The following RASL10B variants were observed in gnomAD, a reference collection of about 807,000 sequenced individuals.
The protein encoded by RASL10B is RAS like family 10 member B.
A neutral mutation model predicts 20.7 loss-of-function variants in RASL10B; 10 were observed. The ratio of observed to expected loss-of-function variants is 0.48; its 90% confidence interval spans 0.30 to 0.82. The LOEUF (loss-of-function observed/expected upper bound fraction) is 0.82, where lower values mean the gene tolerates loss of function less well. Among genes scored for constraint, RASL10B ranks in the 40% least tolerant of loss-of-function variants. The pLI, the probability that RASL10B is intolerant of heterozygous loss-of-function variation, is 0.07. For missense variants in RASL10B, 231 were observed against 295.4 expected (o/e 0.78, Z 1.60); for synonymous variants, 110 against 123.3 (o/e 0.89, Z 0.72).
chr17:35,739,589 C>T (rs782610333), intron 2 of RASL10B, among the ~76,000 whole-genome samples: 1 of 152,180 alleles, frequency 6.6e-6, no homozygotes, highest in Non-Finnish European at 1.5e-5. Flanking sequence ...GCCCAGGGGC[C>T]CTACTCTACA....
At chr17:35,733,113 G>GGTTT (rs1388424800) in intron 1 of RASL10B, among the ~76,000 whole-genome samples, 3 of 152,098 alleles carry the variant, frequency 2.0e-5, no homozygotes, top group Non-Finnish European at 4.4e-5. Flanking sequence ...TTTTTTGGGG[G>GGTTT]GTTTGTTTGT....
chr17:35,741,563 G>A lies in RASL10B; in HGVS notation c.*258G>A, dbSNP rs2085629657. On this transcript the variant is annotated 3_prime_UTR_variant, in exon 4 of 4. Coordinates refer to ENST00000603017, the MANE Select transcript of RASL10B (RefSeq NM_033315.4). ...TTTAGTGCAGTGCCCGGCCCGACCCGCGGGGGTGCCACAGCCTTTTGGGAT... is the reference window on the plus strand; with the variant it reads ...TTTAGTGCAGTGCCCGGCCCGACCCACGGGGGTGCCACAGCCTTTTGGGAT... The A allele has an allele frequency of 6.8e-6, 3 of 441,930 alleles. No homozygotes were observed. The highest frequency in any genetic ancestry group is 8.5e-5 in the South Asian group (1 of 11,814). The allele number at this position is 441,930 out of a possible 1,614,324, so 27.4% of individuals were successfully genotyped here. A position where few individuals can be genotyped will look rare whatever the true frequency, so the allele number is the denominator to read the frequency against.
rs1488103281 is a variant in RASL10B, at chr17:35,741,129, C to T, written c.436C>T (p.Leu146=). The change falls in exon 4 of 4, where the codon CTG becomes TTG. Residue 146 remains leucine (L), a synonymous_variant. Coordinates refer to ENST00000603017, the MANE Select transcript of RASL10B (RefSeq NM_033315.4). ...RVIPRWNVSH[L]VRKTWKCGYV... is the part of the protein sequence containing the mutation. ...GATCCCGCGCTGGAACGTGTCGCAC[C>T]TGGTACGCAAGACCTGGAAGTGCGG... is the stretch of plus-strand genomic sequence containing the variant. The T allele has an allele frequency of 1.2e-6, 2 of 1,613,508 alleles. No individual in the cohort carries two copies. Among genetic ancestry groups the T allele is most frequent in the Non-Finnish European group, 1.7e-6 (2 of 1,180,044 alleles).
rs781963627 is a variant in RASL10B at position 35,741,261 on chromosome 17, C to T, written c.568C>T (p.Arg190Cys). ...TTGCAAGCACGTGCACGCTGCCCTG[C>T]GCTTCCAGGGCGCGCTGCGCCGCAA... ...ARCKHVHAAL[R>C]FQGALRRNRC... Residue 190 changes from arginine (R) to cysteine (C), a missense_variant, in exon 4 of 4, where the codon CGC becomes TGC. Physicochemically the swap from Arg to Cys is radical, Grantham distance 180. Transcript: ENST00000603017. 6.4e-7 allele frequency: 1 copy of T among 1,559,758 alleles called. No individual in the cohort carries two copies. The highest frequency in any genetic ancestry group is 2.4e-5 in the East Asian group (1 of 41,248).
Position 35,742,118 on chromosome 17 carries a change from G to A in RASL10B, c.*813G>A, listed in dbSNP as rs1217653332. 1 of 151,400 alleles carries A rather than the reference G, an allele frequency of 6.6e-6. No homozygotes were observed. The highest frequency in any genetic ancestry group is 1.5e-5 in the Non-Finnish European group (1 of 67,936). 9.4% of individuals were successfully genotyped at this position (151,400 alleles called of 1,614,324 possible). A position where few individuals can be genotyped will look rare whatever the true frequency, so the allele number is the denominator to read the frequency against. On this transcript the variant is annotated 3_prime_UTR_variant, in exon 4 of 4. Transcript: ENST00000603017. ...TTTTTCTTTTTTTTTTTTGGACAGA[G>A]TGTGGAAAGGGAGCCCCCCAAAGGA...
At chr17:35,739,538 A>T (rs226419) in intron 2 of RASL10B, among the ~76,000 whole-genome samples, 3,006 of 152,286 alleles carry the variant, frequency 0.02, 112 homozygotes, top group African/African-American at 0.068. Flanking sequence ...ATCCCTTGAG[A>T]AGTTGCCACA....
chr17:35,734,305 G>C (rs1555596773), intron 1 of RASL10B, among the ~76,000 whole-genome samples: 1 of 152,204 alleles, frequency 6.6e-6, no homozygotes, highest in South Asian at 2.1e-4. Context: ...GAAAGGAGTA[G>C]CTGCCCTTCG....
chr17:35,735,293 A>C lies in RASL10B; in HGVS notation c.109A>C (p.Thr37Pro). 2.5e-6 allele frequency: 4 copies of C among 1,613,812 alleles called. No homozygotes were observed. The highest frequency in any genetic ancestry group is 3.4e-6 in the Non-Finnish European group (4 of 1,180,002). Residue 37 changes from threonine (T) to proline (P), a missense_variant, in exon 2 of 4, where the codon ACC (threonine) becomes CCC (proline). Coordinates refer to ENST00000603017, the MANE Select transcript of RASL10B (RefSeq NM_033315.4). The surrounding 1 kb of genome is among the most constrained non-coding windows in gnomAD (Gnocchi z 6.7). ...GTTCAGCGAGGTCTGCGTCCCCACC[A>C]CCGCCCGCCGCCTTTACCTGCCTGC... Reference protein sequence around the residue: ...NEFSEVCVPTTARRLYLPAVV... With the variant: ...NEFSEVCVPTPARRLYLPAVV...
Position 35,742,213 on chromosome 17 carries a change from G to A in RASL10B, c.*908G>A, listed in dbSNP as rs1429595131. ...CTGCATACTGCAATCTGATCTGTCAGACTGGGGAATGTTGGGTTCTGGGGT... is the reference window on the plus strand; with the variant it reads ...CTGCATACTGCAATCTGATCTGTCAAACTGGGGAATGTTGGGTTCTGGGGT... On this transcript the variant is annotated 3_prime_UTR_variant, in exon 4 of 4. Transcript: ENST00000603017. The A allele has an allele frequency of 1.3e-5, 2 of 152,138 alleles. No individual in the cohort carries two copies. The highest frequency in any genetic ancestry group is 4.8e-5 in the African/African-American group (2 of 41,368). 9.4% of individuals were successfully genotyped at this position (152,138 alleles called of 1,614,324 possible).
intron 1 of RASL10B, among the ~76,000 whole-genome samples, chr17:35,732,255 T>G (rs1438193107): frequency 2.6e-5 from 4 of 152,078 alleles, no homozygotes; most frequent in Admixed American, 6.5e-5. Context: ...AAGCCCCCGC[T>G]CTCAGCCTTG....
In RASL10B at chr17:35,742,185, C is replaced by T. The variant is rs2085633855; in HGVS notation, c.*880C>T. ...ATGCCAGGCTCCAGTCCTTTATTCC[C>T]TTCTGCATACTGCAATCTGATCTGT... On this transcript the variant is annotated 3_prime_UTR_variant, in exon 4 of 4. Transcript: ENST00000603017. 1 of 152,170 alleles carries T rather than the reference C, an allele frequency of 6.6e-6. No homozygotes were observed. Among genetic ancestry groups the T allele is most frequent in the South Asian group, 2.1e-4 (1 of 4,822 alleles). 9.4% of individuals were successfully genotyped at this position (152,170 alleles called of 1,614,324 possible).
chr17:35,732,538 C>T (rs1555596503), intron 1 of RASL10B, among the ~76,000 whole-genome samples: 1 of 152,168 alleles, frequency 6.6e-6, no homozygotes, highest in African/African-American at 2.4e-5. Flanking sequence ...GAAGGGGCAC[C>T]GATCGCTTCT....
Position 35,741,180 on chromosome 17 carries a change from A to T in RASL10B, c.487A>T (p.Asn163Tyr), listed in dbSNP as rs1555597889. The T allele has an allele frequency of 1.2e-6, 2 of 1,613,344 alleles. No homozygotes were observed. Residue 163 changes from asparagine to tyrosine, a missense_variant, in exon 4 of 4, where the codon AAC (asparagine) becomes TAC (tyrosine). Transcript: ENST00000603017. ...CTACGTGGAATGCTCGGCCAAGTAC[A>T]ACTGGCACATCCTGCTGCTCTTCAG... ...CGYVECSAKYNWHILLLFSEL... is the reference protein window; with the variant it reads ...CGYVECSAKYYWHILLLFSEL...
intron 2 of RASL10B, among the ~76,000 whole-genome samples, chr17:35,737,341 C>A (rs1422518213): frequency 2.0e-5 from 3 of 152,010 alleles, no homozygotes; most frequent in Non-Finnish European, 4.4e-5. Flanking sequence ...CTATTATAAC[C>A]TGAAGATTTT....
intron 3 of RASL10B, 152 bp from the exon 4 acceptor site, chr17:35,740,883 C>A: frequency 1.5e-6 from 1 of 657,386 alleles, no homozygotes; most frequent in Non-Finnish European, 2.6e-6. Context: ...GTCAGTTGTG[C>A]TGATCAGAGA....
intron 3 of RASL10B, among the ~76,000 whole-genome samples, 194 bp downstream of exon 3, chr17:35,740,727 G>A (rs1272313043): frequency 3.3e-5 from 5 of 152,234 alleles, no homozygotes; most frequent in Admixed American, 2.0e-4. Flanking sequence ...GGCTGTGGGG[G>A]TGGCTAGAGT....
rs2085588585 is a variant in RASL10B at position 35,735,863 on chromosome 17, C to T, written c.216+463C>T. On this transcript the variant is annotated intron_variant, in intron 2 of 3. Transcript: ENST00000603017. The surrounding 1 kb of genome is among the most constrained non-coding windows in gnomAD (Gnocchi z 6.7). ...AAATAGGTTTTAGGCAGGTAAGAGT[C>T]AGTAGAGAAAAGGACAGGGAACACT... Among the ~76,000 whole-genome samples, 1 of 152,104 alleles carries T rather than the reference C, an allele frequency of 6.6e-6. No homozygotes were observed.
At chr17:35,740,587 C>A in intron 3 of RASL10B, 54 bp downstream of exon 3, 1 of 1,590,828 alleles carries the variant, frequency 6.3e-7, no homozygotes, top group Non-Finnish European at 8.6e-7. Context: ...CCAGTGCTAG[C>A]CAGTCCCTGT....
rs2085585425 is a variant in RASL10B at position 35,735,412 on chromosome 17, C to G, written c.216+12C>G. The G allele has an allele frequency of 6.2e-7, 1 of 1,612,896 alleles. No individual in the cohort carries two copies. On this transcript the variant is annotated intron_variant, in intron 2 of 3. Transcript: ENST00000603017. This position sits in a 1 kb window ranked among gnomAD's most constrained non-coding sequence, Gnocchi z 6.7. ...TCAATACGCTCCAGGTAGGAGGACC[C>G]TGGGGGGCATGGGTTAGTGGGGAAA...
Sources: gnomAD v4.1 joint callset for allele counts (sites outside exome capture counted in the v4.1 genomes callset) on GRCh38, gnomAD v4.1.1 for gene constraint, Gnocchi (gnomAD v3.1) non-coding constraint, MANE v1.5 for transcripts, NCBI Gene and HGNC (gene_info 2026-07-23, HGNC 2026-07-21) for gene names.